The following SRD5A2 variants were observed in gnomAD, a reference collection of about 807,000 sequenced individuals.
SRD5A2 encodes steroid 5 alpha-reductase 2.
In SRD5A2, 30 loss-of-function variants were observed where a neutral mutation model predicts 27.4. The ratio of observed to expected loss-of-function variants is 1.10; its 90% CI spans 0.82 to 1.49. The LOEUF (loss-of-function observed/expected upper bound fraction) is 1.49. Ranked by LOEUF, SRD5A2 falls within the 40% of genes most tolerant of loss-of-function variation. The probability of loss-of-function intolerance (pLI) is 0.00; values close to 1 mark genes in which losing one functional copy is unlikely to be tolerated. For missense variants in SRD5A2, 348 were observed against 323.4 expected (o/e 1.08, Z -0.58); for synonymous variants, 141 against 133.6 (o/e 1.06, Z -0.38).
intron 1 of SRD5A2, among the ~76,000 whole-genome samples, chr2:31,565,999 G>A (rs1354521200): frequency 6.6e-6 from 1 of 152,046 alleles, no homozygotes; most frequent in Non-Finnish European, 1.5e-5. Flanking sequence ...AAGGATGTAT[G>A]TCATACAAAG....
chr2:31,606,187 G>T, the SRD5A2 span, among the ~76,000 whole-genome samples: 2 of 151,694 alleles, frequency 1.3e-5, no homozygotes, highest in African/African-American at 4.8e-5. Flanking sequence ...TAGGTTAATG[G>T]GTACGAAATG....
At chr2:31,531,649 C>G (rs749007196) in intron 2 of SRD5A2, among the ~76,000 whole-genome samples, 177 bp from the exon 3 acceptor site, 2 of 152,178 alleles carry the variant, frequency 1.3e-5, no homozygotes, top group African/African-American at 4.8e-5. Flanking sequence ...ATGGGGAGCA[C>G]TGGGTGTGCT....
At chr2:31,604,908 A>C in the SRD5A2 span, among the ~76,000 whole-genome samples, 1 of 151,960 alleles carries the variant, frequency 6.6e-6, no homozygotes, top group Non-Finnish European at 1.5e-5. Flanking sequence ...AAATTATACT[A>C]CAGAGGTATA....
chr2:31,627,896 C>T, the SRD5A2 span, among the ~76,000 whole-genome samples: 3 of 151,794 alleles, frequency 2.0e-5, no homozygotes, highest in Non-Finnish European at 2.9e-5. Flanking sequence ...TGCCAAATTA[C>T]GTAGTCAATT....
chr2:31,546,428 G>A (rs1009899808), intron 1 of SRD5A2, among the ~76,000 whole-genome samples: 3 of 152,108 alleles, frequency 2.0e-5, no homozygotes, highest in Admixed American at 6.5e-5. Flanking sequence ...AAGAAAATAT[G>A]TTACATATAC....
chr2:31,534,601 CACA>C (rs1665986886), intron 1 of SRD5A2, among the ~76,000 whole-genome samples: 1 of 152,160 alleles, frequency 6.6e-6, no homozygotes, highest in Admixed American at 6.5e-5. Context: ...TACACAAAAA[CACA>C]CACACATATG....
intron 1 of SRD5A2, among the ~76,000 whole-genome samples, chr2:31,566,179 G>A (rs1353802729): frequency 6.6e-6 from 1 of 152,052 alleles, no homozygotes; most frequent in Non-Finnish European, 1.5e-5. Flanking sequence ...GTAACAACAT[G>A]TCGGAATTTG....
At chr2:31,594,577 T>C in the SRD5A2 span, among the ~76,000 whole-genome samples, 6 of 151,892 alleles carry the variant, frequency 4.0e-5, no homozygotes, top group Non-Finnish European at 5.9e-5. Context: ...ACCTAAGAAA[T>C]GAAATAGATA....
chr2:31,607,487 A>G, the SRD5A2 span, among the ~76,000 whole-genome samples: 175 of 152,050 alleles, frequency 1.2e-3, no homozygotes, highest in African/African-American at 3.9e-3. Context: ...AGAAAGTGGA[A>G]CATTCTTAAA....
the SRD5A2 span, among the ~76,000 whole-genome samples, chr2:31,592,545 C>T: frequency 6.6e-6 from 1 of 152,188 alleles, no homozygotes; most frequent in Admixed American, 6.5e-5. Context: ...AGACATTTTT[C>T]AGCACCAGCC....
chr2:31,613,893 C>G, the SRD5A2 span, among the ~76,000 whole-genome samples: 1 of 152,146 alleles, frequency 6.6e-6, no homozygotes, highest in Non-Finnish European at 1.5e-5. Context: ...TCTCATGACA[C>G]TTATTCACTA....
intron 1 of SRD5A2, among the ~76,000 whole-genome samples, chr2:31,572,710 A>C (rs572598508): frequency 6.6e-6 from 1 of 152,344 alleles, no homozygotes; most frequent in South Asian, 2.1e-4. Context: ...AAAAGATAGA[A>C]GTAAGATCAT....
the SRD5A2 span, among the ~76,000 whole-genome samples, chr2:31,652,316 T>A: frequency 4.0e-4 from 61 of 152,354 alleles, 1 homozygote; most frequent in Non-Finnish European, 3.4e-4. Context: ...TGTGAAATTC[T>A]ATTGGGAAAT....
chr2:31,610,872 C>T, the SRD5A2 span, among the ~76,000 whole-genome samples: 1 of 152,036 alleles, frequency 6.6e-6, no homozygotes, highest in Non-Finnish European at 1.5e-5. Context: ...CTTTGGGAGG[C>T]CAAGGAGGGT....
the SRD5A2 span, among the ~76,000 whole-genome samples, chr2:31,586,675 A>G: frequency 6.6e-6 from 1 of 152,234 alleles, no homozygotes; most frequent in Non-Finnish European, 1.5e-5. Context: ...TGCAAGAACC[A>G]TAGCATTACT....
chr2:31,529,217 T>C, intron 4 of SRD5A2, 90 bp downstream of exon 4: 1 of 1,520,152 alleles, frequency 6.6e-7, no homozygotes, highest in South Asian at 1.2e-5. Flanking sequence ...TTAAATATCT[T>C]CGGTTTCTCA....
At chr2:31,537,002 A>G (rs190448478) in intron 1 of SRD5A2, among the ~76,000 whole-genome samples, 2 of 152,232 alleles carry the variant, frequency 1.3e-5, no homozygotes, top group African/African-American at 4.8e-5. Flanking sequence ...GATTCATTGG[A>G]AAGGGTTAAC....
At chr2:31,627,482 G>A in the SRD5A2 span, among the ~76,000 whole-genome samples, 1 of 151,322 alleles carries the variant, frequency 6.6e-6, no homozygotes, top group African/African-American at 2.4e-5. Context: ...GTTCAGCTCT[G>A]ATTTTGGTTA....
the SRD5A2 span, among the ~76,000 whole-genome samples, chr2:31,639,678 C>T: frequency 1.3e-5 from 2 of 152,078 alleles, no homozygotes; most frequent in South Asian, 4.2e-4. Context: ...TCCACTCCCT[C>T]CTGGCCTGTA....
Sources: allele counts gnomAD v4.1 joint callset (sites outside exome capture counted in the v4.1 genomes callset), GRCh38; gene constraint gnomAD v4.1.1; transcripts MANE v1.5; gene names NCBI Gene and HGNC (gene_info 2026-07-23, HGNC 2026-07-21).